CDH8: variants seen among roughly 807,000 people sequenced by gnomAD.
CDH8 encodes cadherin-8.
Under a neutral mutation model 68.1 loss-of-function variants are expected in CDH8, and 17 were observed. That is an observed-to-expected ratio of 0.25 (90% confidence interval 0.17 to 0.37). The LOEUF is 0.37. Ranked by LOEUF, CDH8 falls within the 10% of genes least tolerant of loss-of-function variation. The pLI is 1.00. For missense variants in CDH8, 763 were observed against 999.3 expected (o/e 0.76, Z 3.19); for synonymous variants, 372 against 365.1 (o/e 1.02, Z -0.21).
chr16:62,026,370 C>G (rs1184977510), intron 1 of CDH8, among the ~76,000 whole-genome samples: 3 of 152,156 alleles, frequency 2.0e-5, no homozygotes. Context: ...TTATAACCTT[C>G]CTGCAGTGCT....
At chr16:61,959,898 A>T (rs1965059793) in intron 2 of CDH8, among the ~76,000 whole-genome samples, 1 of 137,332 alleles carries the variant, frequency 7.3e-6, no homozygotes, top group Non-Finnish European at 1.6e-5. Context: ...TTTATATGTA[A>T]ATATATATAC....
chr16:61,721,237 C>T (rs1959215036), intron 9 of CDH8, among the ~76,000 whole-genome samples: 1 of 150,738 alleles, frequency 6.6e-6, no homozygotes, highest in Non-Finnish European at 1.5e-5. Context: ...TTTATGCATT[C>T]CATTAATTTA....
intron 8 of CDH8, among the ~76,000 whole-genome samples, chr16:61,775,977 T>C (rs375911647): frequency 1.3e-5 from 2 of 152,182 alleles, no homozygotes; most frequent in East Asian, 3.9e-4. Context: ...CAGCCCTCTT[T>C]CTCTCTAAGC....
chr16:61,743,084 T>C (rs1959920247), intron 8 of CDH8: 1 of 152,244 alleles, frequency 6.6e-6, no homozygotes, highest in South Asian at 2.1e-4. Flanking sequence ...TAAATGTATT[T>C]ATATTTTTGC....
chr16:61,721,376 G>A (rs975873022), intron 9 of CDH8, among the ~76,000 whole-genome samples: 1 of 150,852 alleles, frequency 6.6e-6, no homozygotes, highest in African/African-American at 2.4e-5. Context: ...TATGAAAGAT[G>A]CCTGCTGGCA....
At chr16:61,952,216 A>G (rs1567541894) in intron 2 of CDH8, among the ~76,000 whole-genome samples, 1 of 152,216 alleles carries the variant, frequency 6.6e-6, no homozygotes, top group Non-Finnish European at 1.5e-5. Context: ...AAATAGGAAT[A>G]AAATACCACT....
chr16:61,811,385 T>A (rs201346709), intron 7 of CDH8, among the ~76,000 whole-genome samples: 1 of 152,176 alleles, frequency 6.6e-6, no homozygotes, highest in Admixed American at 6.5e-5. Context: ...GCCATGAAAG[T>A]ACAAGAATTA....
intron 2 of CDH8, among the ~76,000 whole-genome samples, chr16:61,985,587 G>T (rs1278292833): frequency 6.6e-6 from 1 of 152,174 alleles, no homozygotes; most frequent in Non-Finnish European, 1.5e-5. Flanking sequence ...CCGCCTCCTG[G>T]ATTCAAGCGA....
rs1596826776 is a variant in CDH8, at chr16:61,648,187, C to T, written c.*5421G>A. On this transcript the variant is annotated 3_prime_UTR_variant, in exon 12 of 12. Transcript: ENST00000577390. The stretch of plus-strand genomic sequence containing the variant: ...TCACATATTTGATGTGTAATTTAAC[C>T]CTGAAAATTCCTTATAACGTTTCTG... 1 of 202,826 alleles carries T rather than the reference C, an allele frequency of 4.9e-6. No homozygotes were observed. Among genetic ancestry groups the T allele is most frequent in the Non-Finnish European group, 9.8e-6 (1 of 101,716 alleles). The allele number at this position is 202,826 out of a possible 1,614,324, so 12.6% of individuals were successfully genotyped here.
intron 10 of CDH8, among the ~76,000 whole-genome samples, chr16:61,687,609 C>G (rs1335372128): frequency 6.6e-6 from 1 of 151,958 alleles, no homozygotes; most frequent in Non-Finnish European, 1.5e-5. Flanking sequence ...ACAAACCTTC[C>G]TGCCAGAAGT....
At chr16:61,768,989 G>A (rs927211275) in intron 8 of CDH8, among the ~76,000 whole-genome samples, 2 of 151,594 alleles carry the variant, frequency 1.3e-5, no homozygotes, top group African/African-American at 4.8e-5. Flanking sequence ...TTGTTATTGG[G>A]TTGTACTTCT....
intron 3 of CDH8, among the ~76,000 whole-genome samples, chr16:61,884,472 C>T (rs1389026134): frequency 6.7e-6 from 1 of 150,358 alleles, no homozygotes; most frequent in Admixed American, 6.7e-5. Flanking sequence ...CTCCTGGGTT[C>T]AAGTGATTCT....
intron 8 of CDH8, among the ~76,000 whole-genome samples, chr16:61,765,616 C>G (rs1018475872): frequency 1.3e-5 from 2 of 151,898 alleles, no homozygotes; most frequent in African/African-American, 4.8e-5. Context: ...TATTTTCTCC[C>G]CTCTGGGCTT....
At chr16:61,705,985 A>T (rs4784152) in intron 10 of CDH8, among the ~76,000 whole-genome samples, 2 of 152,122 alleles carry the variant, frequency 1.3e-5, no homozygotes, top group African/African-American at 4.8e-5. Flanking sequence ...TCCAATTCCA[A>T]TTCTTAAGGG....
chr16:61,760,824 AAAT>A (rs1960446978), intron 8 of CDH8, among the ~76,000 whole-genome samples: 3 of 152,304 alleles, frequency 2.0e-5, no homozygotes, highest in Admixed American at 1.3e-4. Flanking sequence ...AAACAAATAA[AAAT>A]AACTCAAAAT....
chr16:61,943,036 T>G (rs1206967863), intron 2 of CDH8, among the ~76,000 whole-genome samples: 2 of 152,190 alleles, frequency 1.3e-5, no homozygotes, highest in Admixed American at 1.3e-4. Flanking sequence ...CCATCTTGCC[T>G]GGACAAAAGA....
In CDH8 at chr16:61,653,612, G is replaced by A; in HGVS notation, c.2396C>T (p.Thr799Ile). The A allele has an allele frequency of 6.2e-7, 1 of 1,606,734 alleles. No individual in the cohort carries two copies. The highest frequency in any genetic ancestry group is 8.5e-7 in the Non-Finnish European group (1 of 1,177,148). ...LYSVGESDKE[T>I] ...TGATTTATTTATAATCCACTGTCAA[G>A]TTTCTTTGTCACTTTCACCAACAGA... Residue 799 changes from threonine to isoleucine, a missense_variant, in exon 12 of 12, where the codon ACT (threonine) becomes ATT (isoleucine). Thr to Ile is a moderately conservative substitution (Grantham distance 89). Around this residue, in one of 2 missense-constraint regions of CDH8, gnomAD observed 397 missense variants for 436.2 expected, o/e 0.91. Transcript: ENST00000577390.
At chr16:61,873,910 G>A (rs1309152254) in intron 3 of CDH8, among the ~76,000 whole-genome samples, 1 of 152,102 alleles carries the variant, frequency 6.6e-6, no homozygotes, top group Non-Finnish European at 1.5e-5. Context: ...ACAAAAATTA[G>A]CCAGGGGTGG....
intron 2 of CDH8, among the ~76,000 whole-genome samples, chr16:62,019,815 C>T (rs929403406): frequency 2.6e-5 from 4 of 152,054 alleles, no homozygotes; most frequent in Non-Finnish European, 5.9e-5. Flanking sequence ...TGAAGGGGGG[C>T]TATTGTTTGA....
Sources: allele counts gnomAD v4.1 joint callset (sites outside exome capture counted in the v4.1 genomes callset), GRCh38; gene constraint gnomAD v4.1.1; regional missense constraint gnomAD v4.1.1; transcripts MANE v1.5; gene names NCBI Gene and HGNC (gene_info 2026-07-23, HGNC 2026-07-21).